RBFOX1: variants seen among roughly 807,000 people sequenced by gnomAD.
RBFOX1 encodes RNA binding protein fox-1 homolog 1.
In RBFOX1, 8 loss-of-function variants were observed where a neutral mutation model predicts 57.7. The ratio of observed to expected loss-of-function variants is 0.14; its 90% CI spans 0.08 to 0.25. The LOEUF is 0.25. Ranked by LOEUF, RBFOX1 falls within the 10% of genes least tolerant of loss-of-function variation. RBFOX1 has a pLI of 1.00. For synonymous variants in RBFOX1, 326 were observed against 222.4 expected (o/e 1.47, Z -4.15); for missense variants, 611 against 548.5 (o/e 1.11, Z -1.14).
chr16:6,645,468 G>A (rs1409553172), intron 2 of RBFOX1, among the ~76,000 whole-genome samples: 3 of 152,134 alleles, frequency 2.0e-5, no homozygotes, highest in African/African-American at 7.2e-5. Context: ...GCTGGTAAGG[G>A]ATCCGGGATG....
intron 3 of RBFOX1, among the ~76,000 whole-genome samples, chr16:5,783,381 A>G (rs1458163290): frequency 1.3e-5 from 2 of 152,154 alleles, no homozygotes; most frequent in Non-Finnish European, 2.9e-5. Context: ...CTACAGATTA[A>G]TTGTGCCTGT....
intron 1 of RBFOX1, among the ~76,000 whole-genome samples, chr16:5,395,652 T>C (rs1378557337): frequency 1.3e-5 from 2 of 152,222 alleles, no homozygotes; most frequent in African/African-American, 2.4e-5. Flanking sequence ...TCCCGTTGCA[T>C]GTGGATGGGA....
At chr16:6,309,069 G>A (rs1481884893) in intron 1 of RBFOX1, among the ~76,000 whole-genome samples, 2 of 151,994 alleles carry the variant, frequency 1.3e-5, no homozygotes, top group Admixed American at 1.3e-4. Flanking sequence ...GAAATAATCA[G>A]GTCTCATGTG....
At chr16:5,388,814 T>A (rs1044624186) in intron 1 of RBFOX1, among the ~76,000 whole-genome samples, 1 of 151,764 alleles carries the variant, frequency 6.6e-6, no homozygotes, top group African/African-American at 2.4e-5. Flanking sequence ...TGACCTCAGA[T>A]GATCCACCCA....
chr16:7,516,157 C>G lies in RBFOX1; in HGVS notation c.28-1990C>G, dbSNP rs117045447. Among the ~76,000 whole-genome samples, 1,217 of 152,232 alleles carry G rather than the reference C, an allele frequency of 8.0e-3. 4 individuals are homozygous for G. Among genetic ancestry groups the G allele is most frequent in the Non-Finnish European group, 0.012 (787 of 68,030 alleles). ...AACATGCCCACCCTAAGTGTCAGTT[C>G]TTGGCAGCTCCAGGCTTATGATGTT... On this transcript the variant is annotated intron_variant, in intron 4 of 15. Transcript: ENST00000550418.
intron 2 of RBFOX1, among the ~76,000 whole-genome samples, chr16:6,510,617 A>T (rs949854468): frequency 2.6e-5 from 4 of 152,170 alleles, no homozygotes; most frequent in Admixed American, 2.0e-4. Context: ...ATGCCTCCAG[A>T]GGCTCCCTAC....
chr16:6,203,954 G>C (rs1472956541), intron 1 of RBFOX1, among the ~76,000 whole-genome samples: 1 of 150,682 alleles, frequency 6.6e-6, no homozygotes, highest in Non-Finnish European at 1.5e-5. Context: ...CAACCTGTTG[G>C]TGGCTCTGCC....
intron 4 of RBFOX1, among the ~76,000 whole-genome samples, chr16:7,414,513 C>G (rs1156925871): frequency 6.6e-6 from 1 of 152,164 alleles, no homozygotes. Flanking sequence ...GAGTGTTTTT[C>G]TTTTGATAGA....
In RBFOX1 at chr16:7,390,402, G is replaced by A. The variant is rs139843662; in HGVS notation, c.28-127745G>A. ...CTCATGTTCTTAACTATGAGATTTC[G>A]ATACTTGGAGTCAGAAGACTTGGGT... On this transcript the variant is annotated intron_variant, in intron 4 of 15. Coordinates refer to ENST00000550418, the MANE Select transcript of RBFOX1 (RefSeq NM_018723.4). Among the ~76,000 whole-genome samples, 1,164 of 152,270 alleles carry A rather than the reference G, an allele frequency of 7.6e-3. 15 individuals carry two copies. The highest frequency in any genetic ancestry group is 0.027 in the African/African-American group (1,110 of 41,534).
intron 2 of RBFOX1, among the ~76,000 whole-genome samples, chr16:6,487,238 A>C (rs183298224): frequency 5.3e-5 from 8 of 151,996 alleles, no homozygotes; most frequent in African/African-American, 1.9e-4. Context: ...TGATTCAGCA[A>C]AACTAGGTTA....
At chr16:5,457,856 A>G (rs1358307086) in intron 1 of RBFOX1, among the ~76,000 whole-genome samples, 1 of 152,146 alleles carries the variant, frequency 6.6e-6, no homozygotes, top group Non-Finnish European at 1.5e-5. Context: ...CTTTCTTCCC[A>G]GCAGATTTTA....
chr16:5,891,896 T>G (rs1409921289), intron 4 of RBFOX1, among the ~76,000 whole-genome samples: 1 of 152,170 alleles, frequency 6.6e-6, no homozygotes, highest in Non-Finnish European at 1.5e-5. Flanking sequence ...CAGCACACGT[T>G]GCGCAGGACT....
At chr16:5,459,569 C>T (rs1375960060) in intron 1 of RBFOX1, among the ~76,000 whole-genome samples, 1 of 152,174 alleles carries the variant, frequency 6.6e-6, no homozygotes, top group African/African-American at 2.4e-5. Context: ...TGTCTCATGT[C>T]TGTGCAACAC....
At chr16:5,753,291 A>G (rs1319559806) in intron 3 of RBFOX1, among the ~76,000 whole-genome samples, 1 of 152,212 alleles carries the variant, frequency 6.6e-6, no homozygotes, top group African/African-American at 2.4e-5. Context: ...TAGTGCCATT[A>G]CATAGAACAC....
intron 3 of RBFOX1, among the ~76,000 whole-genome samples, chr16:6,833,653 C>G (rs1037592107): frequency 1.5e-4 from 23 of 152,174 alleles, no homozygotes; most frequent in African/African-American, 4.1e-4. Flanking sequence ...CTCATGTCTT[C>G]CCATTGGCAC....
At chr16:6,932,557 A>G (rs1169362168) in intron 3 of RBFOX1, among the ~76,000 whole-genome samples, 1 of 152,260 alleles carries the variant, frequency 6.6e-6, no homozygotes, top group African/African-American at 2.4e-5. Flanking sequence ...ATGGTAGGTG[A>G]GTTAGTGCTG....
In RBFOX1 at chr16:5,334,394, G is replaced by C. The variant is rs149426268; in HGVS notation, c.219+94289G>C. 5.3e-5 allele frequency among the ~76,000 whole-genome samples: 8 copies of C among 152,260 alleles called. No individual in the cohort carries two copies. In the East Asian group the frequency reaches 1.4e-3, roughly 26 times the overall value. On this transcript the variant is annotated intron_variant, in intron 1 of 2. Coordinates refer to the RBFOX1 transcript ENST00000585867. Reference sequence around the variant, plus strand: ...GGGGAACCTTAAAATGGCAGTGCTTGTTCAAGATGGCTATGTTCCTGCTCT... The same window carrying C: ...GGGGAACCTTAAAATGGCAGTGCTTCTTCAAGATGGCTATGTTCCTGCTCT...
At chr16:5,602,175 T>A (rs940174267), downstream of RBFOX1, among the ~76,000 whole-genome samples, 1 of 152,192 alleles carries the variant, frequency 6.6e-6, no homozygotes, top group Non-Finnish European at 1.5e-5. Flanking sequence ...AAGCAGTCAT[T>A]TTGACGACCT....
intron 3 of RBFOX1, among the ~76,000 whole-genome samples, chr16:5,642,869 G>C (rs2048927373): frequency 6.6e-6 from 1 of 152,168 alleles, no homozygotes. Context: ...GTGGCCCCTA[G>C]AGTGAGGGGG....
Sources: allele counts gnomAD v4.1 joint callset (sites outside exome capture counted in the v4.1 genomes callset), GRCh38; gene constraint gnomAD v4.1.1; transcripts MANE v1.5; gene names NCBI Gene and HGNC (gene_info 2026-07-23, HGNC 2026-07-21).